Variants in DPF3 observed in about 807,000 individuals in gnomAD.
DPF3 encodes the protein zinc finger protein DPF3.
DPF3 carries 18 observed loss-of-function variants against 56.8 expected under a neutral mutation model. That is an observed-to-expected ratio of 0.32 (90% CI 0.22 to 0.47). The LOEUF (loss-of-function observed/expected upper bound fraction) is 0.47. Ranked by LOEUF, DPF3 falls within the 20% of genes least tolerant of loss-of-function variation. The pLI is 1.00. For synonymous variants in DPF3, 188 were observed against 180.2 expected, an observed-to-expected ratio of 1.04 and a Z score of -0.35; for missense variants, 403 against 488.8, an observed-to-expected ratio of 0.82 and a Z score of 1.65.
At chr14:72,890,095 A>T (rs1199310198) in intron 1 of DPF3, among the ~76,000 whole-genome samples, 1 of 152,246 alleles carries the variant, frequency 6.6e-6, no homozygotes, top group Non-Finnish European at 1.5e-5. Flanking sequence ...CATACCAACC[A>T]GGATTTTGAT....
intron 3 of DPF3, among the ~76,000 whole-genome samples, chr14:72,735,976 A>G (rs1210695181): frequency 6.6e-6 from 1 of 152,244 alleles, no homozygotes; most frequent in Non-Finnish European, 1.5e-5. Flanking sequence ...CATATACGTA[A>G]AGAATCTACA....
chr14:72,782,713 G>C (rs192597060), intron 1 of DPF3, among the ~76,000 whole-genome samples: 1 of 152,112 alleles, frequency 6.6e-6, no homozygotes, highest in Non-Finnish European at 1.5e-5. Flanking sequence ...GACACCTGCA[G>C]TCCCAGCTAC....
In DPF3 at chr14:72,894,052, C is replaced by A. The variant is rs1334293923; in HGVS notation, c.32+5G>T. The A allele has an allele frequency of 6.2e-7, 1 of 1,610,328 alleles. No individual in the cohort carries two copies. Among genetic ancestry groups the A allele is most frequent in the Non-Finnish European group, 8.5e-7 (1 of 1,178,702 alleles). On this transcript the variant is annotated splice_donor_5th_base_variant and intron_variant, in intron 1 of 10. Coordinates refer to ENST00000556509, the MANE Select transcript of DPF3 (RefSeq NM_001280542.3). ...GGAATATGTACATTTTTTAGTCTTA[C>A]TTACGCTTTCAGGGGGTTGTGAATG...
chr14:72,808,245 T>C (rs1436300162), intron 1 of DPF3, among the ~76,000 whole-genome samples: 1 of 152,108 alleles, frequency 6.6e-6, no homozygotes, highest in Non-Finnish European at 1.5e-5. Flanking sequence ...TGTAGGACCA[T>C]CTGATGGATG....
intron 1 of DPF3, among the ~76,000 whole-genome samples, chr14:72,788,437 G>C (rs1892299319): frequency 1.3e-5 from 2 of 152,074 alleles, no homozygotes; most frequent in Non-Finnish European, 2.9e-5. Context: ...GAGGAGGAGG[G>C]GGGCCGCAGA....
At chr14:72,820,480 A>T (rs1374160226) in intron 1 of DPF3, among the ~76,000 whole-genome samples, 1 of 152,146 alleles carries the variant, frequency 6.6e-6, no homozygotes, top group Non-Finnish European at 1.5e-5. Context: ...TTTTACTTTA[A>T]TGATAATACT....
intron 2 of DPF3, among the ~76,000 whole-genome samples, chr14:72,764,921 G>A (rs1463279620): frequency 1.3e-5 from 2 of 152,224 alleles, no homozygotes; most frequent in Non-Finnish European, 2.9e-5. Flanking sequence ...AGGCAGTGCT[G>A]TGGGCTGAGC....
At chr14:72,860,719 C>T (rs544362751) in intron 1 of DPF3, among the ~76,000 whole-genome samples, 2 of 152,050 alleles carry the variant, frequency 1.3e-5, no homozygotes, top group African/African-American at 2.4e-5. Context: ...GCGTGCACCA[C>T]CATGCACAGC....
At chr14:72,775,102 G>T (rs1289833137) in intron 1 of DPF3, among the ~76,000 whole-genome samples, 1 of 152,078 alleles carries the variant, frequency 6.6e-6, no homozygotes, top group African/African-American at 2.4e-5. Context: ...ACATTTGACA[G>T]AGAGGTGTCC....
intron 8 of DPF3, among the ~76,000 whole-genome samples, chr14:72,632,783 G>A (rs1354709197): frequency 7.5e-6 from 1 of 133,860 alleles, no homozygotes; most frequent in Non-Finnish European, 1.6e-5. Flanking sequence ...AGAGGGGAAG[G>A]GGATGGGAAG....
intron 6 of DPF3, among the ~76,000 whole-genome samples, chr14:72,694,899 G>T (rs1416842377): frequency 6.6e-6 from 1 of 152,076 alleles, no homozygotes; most frequent in Non-Finnish European, 1.5e-5. Flanking sequence ...TCCTTTAGTT[G>T]GTTGATAAGG....
chr14:72,748,953 G>A (rs1176587937), intron 3 of DPF3, among the ~76,000 whole-genome samples: 1 of 152,250 alleles, frequency 6.6e-6, no homozygotes, highest in African/African-American at 2.4e-5. Context: ...CTGCTAGGCA[G>A]TGTGAAAGGG....
intron 1 of DPF3, among the ~76,000 whole-genome samples, chr14:72,800,383 TGG>T (rs79256195): frequency 0.79 from 119,117 of 151,532 alleles, 50,774 homozygotes; most frequent in East Asian, 0.99. Context: ...GATAAATGGA[TGG>T]ATGGATGGAT....
At chr14:72,884,953 T>TATATAC (rs1555516747) in intron 1 of DPF3, among the ~76,000 whole-genome samples, 4 of 73,780 alleles carry the variant, frequency 5.4e-5, no homozygotes, top group Non-Finnish European at 8.7e-5. Context: ...TATATATATA[T>TATATAC]ATATATATAT....
intron 7 of DPF3, among the ~76,000 whole-genome samples, chr14:72,685,303 C>T (rs1023079309): frequency 4.6e-5 from 7 of 152,208 alleles, no homozygotes; most frequent in Non-Finnish European, 1.0e-4. Context: ...TGGTATCCAA[C>T]TCAAGCCCAT....
At chr14:72,697,921 C>T (rs1887977287) in intron 6 of DPF3, among the ~76,000 whole-genome samples, 3 of 152,204 alleles carry the variant, frequency 2.0e-5, no homozygotes, top group African/African-American at 4.8e-5. Context: ...TCTGACACCA[C>T]GTTCTGCCTC....
intron 1 of DPF3, among the ~76,000 whole-genome samples, chr14:72,873,771 T>C (rs925200045): frequency 6.6e-6 from 1 of 152,054 alleles, no homozygotes. Context: ...ATGTCCCTTG[T>C]AGGGACATGG....
chr14:72,786,273 AG>A (rs1292718291), intron 1 of DPF3, among the ~76,000 whole-genome samples: 1 of 151,772 alleles, frequency 6.6e-6, no homozygotes, highest in African/African-American at 2.4e-5. Context: ...AAAAAAAAAA[AG>A]AAAAAGAAAA....
chr14:72,719,134 A>G (rs1889065558), intron 5 of DPF3, among the ~76,000 whole-genome samples: 1 of 144,526 alleles, frequency 6.9e-6, no homozygotes, highest in South Asian at 2.2e-4. Flanking sequence ...CAGTAGCACA[A>G]TCACAGCTCA....
Sources: gnomAD v4.1 joint callset for allele counts (sites outside exome capture counted in the v4.1 genomes callset) on GRCh38, gnomAD v4.1.1 for gene constraint, MANE v1.5 for transcripts, NCBI Gene and HGNC (gene_info 2026-07-23, HGNC 2026-07-21) for gene names.